The following PLEKHH1 variants were observed in gnomAD, a reference collection of about 807,000 sequenced individuals.
The protein encoded by PLEKHH1 is pleckstrin homology domain-containing family H member 1.
A neutral mutation model predicts 160.0 loss-of-function variants in PLEKHH1; 104 were observed. The observed-to-expected ratio is 0.65, with a 90% CI of 0.55 to 0.76. PLEKHH1 has a LOEUF of 0.76. Among genes scored for constraint, PLEKHH1 ranks in the 30% least tolerant of loss-of-function variants. The probability of loss-of-function intolerance (pLI) is 0.00; values close to 1 mark genes in which losing one functional copy is unlikely to be tolerated. For missense variants in PLEKHH1, 1,427 were observed against 1,724.1 expected, an observed-to-expected ratio of 0.83 and a Z score of 3.05; for synonymous variants, 619 against 678.4, an observed-to-expected ratio of 0.91 and a Z score of 1.36.
rs555399299 is a variant in PLEKHH1 at position 67,573,287 on chromosome 14, G to A, written c.1740G>A (p.Glu580=). ...DGLGLGGESL[E]KSGYLLKMGS... is the part of the protein sequence containing the mutation. ...CTTCCACCCCTCAGGAGTCACTGGA[G>A]AAGTCGGGCTACCTGCTGAAAATGG... Residue 580 remains glutamate (E), a synonymous_variant, in exon 12 of 29, where the codon GAG becomes GAA. Coordinates refer to ENST00000329153, the MANE Select transcript of PLEKHH1 (RefSeq NM_020715.3). The surrounding 1 kb of genome is among the most constrained non-coding windows in gnomAD (Gnocchi z 4.8). 2.5e-6 allele frequency: 4 copies of A among 1,611,192 alleles called. No individual in the cohort carries two copies. Among genetic ancestry groups the A allele is most frequent in the Admixed American group, 1.7e-5 (1 of 60,028 alleles).
Position 67,555,629 on chromosome 14 carries a change from C to T in PLEKHH1, c.127-196C>T, listed in dbSNP as rs186769708. On this transcript the variant is annotated intron_variant, in intron 2 of 28. Coordinates refer to ENST00000329153, the MANE Select transcript of PLEKHH1 (RefSeq NM_020715.3). ...AGGACAGCAGCCACGGGCTCTTCACCTGCCCCATGAACTCAGGATTAGGGA... is the reference window on the plus strand; with the variant it reads ...AGGACAGCAGCCACGGGCTCTTCACTTGCCCCATGAACTCAGGATTAGGGA... Among the ~76,000 whole-genome samples, 34 of 152,338 alleles carry T rather than the reference C, an allele frequency of 2.2e-4. No individual in the cohort carries two copies. In the East Asian group the frequency reaches 6.6e-3, roughly 29 times the overall value.
At chr14:67,537,448 T>G (rs2033784004) in intron 1 of PLEKHH1, among the ~76,000 whole-genome samples, 2 of 150,388 alleles carry the variant, frequency 1.3e-5, no homozygotes. Flanking sequence ...GTGGGTCACT[T>G]GAGCCCAGGA....
intron 24 of PLEKHH1, 151 bp from the exon 25 acceptor site, chr14:67,583,590 A>T: frequency 1.8e-6 from 1 of 557,256 alleles, no homozygotes; most frequent in Non-Finnish European, 3.1e-6. Flanking sequence ...ATAAAACTTG[A>T]GATGAAGCGT....
At chr14:67,566,015 A>C (rs903360130) in intron 7 of PLEKHH1, among the ~76,000 whole-genome samples, 1 of 152,188 alleles carries the variant, frequency 6.6e-6, no homozygotes, top group Non-Finnish European at 1.5e-5. Context: ...GCTGCTCGGG[A>C]GCCTGAGGCA....
chr14:67,569,251 C>A, intron 8 of PLEKHH1, 35 bp downstream of exon 8: 1 of 1,504,330 alleles, frequency 6.6e-7, no homozygotes, highest in East Asian at 2.3e-5. Context: ...GCACCAAACA[C>A]CCAAGGTGGG....
chr14:67,562,647 A>C lies in PLEKHH1; in HGVS notation c.1016A>C (p.His339Pro), dbSNP rs1188444405. Residue 339 changes from histidine to proline, a missense_variant, in exon 7 of 29, where the codon CAT becomes CCT. This residue lies in a region of PLEKHH1 where 831 missense variants were observed against 929.2 expected (regional missense o/e 0.89). Coordinates refer to ENST00000329153, the MANE Select transcript of PLEKHH1 (RefSeq NM_020715.3). ...KRHHSQPQVG[H>P]GHFGRVVNIE... ...CACCACAGCCAGCCCCAGGTGGGCC[A>C]TGGGCACTTTGGCCGTGTGGTGAAC... is the stretch of plus-strand genomic sequence containing the variant. The C allele has an allele frequency of 6.2e-7, 1 of 1,613,026 alleles. No homozygotes were observed. The highest frequency in any genetic ancestry group is 8.5e-7 in the Non-Finnish European group (1 of 1,179,550).
intron 1 of PLEKHH1, among the ~76,000 whole-genome samples, chr14:67,538,919 A>T (rs1253501686): frequency 1.3e-5 from 2 of 152,212 alleles, no homozygotes; most frequent in African/African-American, 4.8e-5. Flanking sequence ...TTTCCAAAGT[A>T]CTTGGAGATT....
In PLEKHH1 at chr14:67,572,250, C is replaced by T. The variant is rs1193090751; in HGVS notation, c.1701C>T (p.Tyr567=). Residue 567 remains tyrosine, a synonymous_variant, in exon 11 of 29, where the codon TAC becomes TAT. Coordinates refer to ENST00000329153, the MANE Select transcript of PLEKHH1 (RefSeq NM_020715.3). ...PEHKLQRTSS[Y]STDGLGLGGE... The stretch of plus-strand genomic sequence containing the variant: ...ACAAACTGCAGCGCACCTCATCCTA[C>T]TCCACCGACGGGCTGGGCCTGGGCG... The T allele has an allele frequency of 1.2e-6, 2 of 1,605,786 alleles. No homozygotes were observed. The highest frequency in any genetic ancestry group is 1.7e-6 in the Non-Finnish European group (2 of 1,177,272).
chr14:67,557,433 G>A lies in PLEKHH1; in HGVS notation c.339+15G>A, dbSNP rs1408078046. The stretch of plus-strand genomic sequence containing the variant: ...TGGAGAAGCAGGTAAGGGCTCATGC[G>A]CAAGGGAGCACCATGCCCTCTTCGA... On this transcript the variant is annotated intron_variant, in intron 4 of 28. Transcript: ENST00000329153. 5.6e-6 allele frequency: 9 copies of A among 1,609,894 alleles called. No homozygotes were observed. Among genetic ancestry groups the A allele is most frequent in the South Asian group, 1.1e-5 (1 of 90,874 alleles).
intron 7 of PLEKHH1, among the ~76,000 whole-genome samples, chr14:67,568,878 T>G (rs1201630218): frequency 6.6e-6 from 1 of 152,146 alleles, no homozygotes; most frequent in Non-Finnish European, 1.5e-5. Flanking sequence ...TGGGCACTGA[T>G]TATATTCCAG....
chr14:67,584,011 T>C lies in PLEKHH1; in HGVS notation c.3586T>C (p.Leu1196=), dbSNP rs556597738. Residue 1196 remains leucine (L), a synonymous_variant, in exon 26 of 29, where the codon TTG becomes CTG. Coordinates refer to ENST00000329153, the MANE Select transcript of PLEKHH1 (RefSeq NM_020715.3). ...AEQLRHLADM[L]TTKWATLQGC... The stretch of plus-strand genomic sequence containing the variant: ...CCACACCAGGCACCTGGCAGATATG[T>C]TGACCACAAAATGGGCAACATTGCA... 9.9e-6 allele frequency: 16 copies of C among 1,613,920 alleles called. No homozygotes were observed. The highest frequency in any genetic ancestry group is 1.3e-5 in the African/African-American group (1 of 74,926).
intron 2 of PLEKHH1, among the ~76,000 whole-genome samples, chr14:67,551,435 G>A (rs896229385): frequency 5.9e-5 from 9 of 152,072 alleles, no homozygotes; most frequent in African/African-American, 1.7e-4. Flanking sequence ...TCTTCACAAC[G>A]ATCCTAGGAG....
In PLEKHH1 at chr14:67,571,799, G is replaced by A. The variant is rs1347235773; in HGVS notation, c.1482G>A (p.Gly494=). 1.9e-6 allele frequency: 3 copies of A among 1,613,942 alleles called. No homozygotes were observed. The South Asian group carries it at 3.3e-5, about 18-fold the overall frequency. The change falls in exon 10 of 29, where the codon GGG becomes GGA. Residue 494 remains glycine (G), a synonymous_variant. Transcript: ENST00000329153. ...TGCCCTTTATGGACGAGTCCTCTGG[G>A]TCTGACGATGACTGCAGCTCTCAGG... ...SNMPFMDESS[G]SDDDCSSQAS...
At position 67,585,950 on chromosome 14, in the gene PLEKHH1, G is replaced by C. The variant is rs1308511965; in HGVS notation, c.3787-1G>C. On this transcript the variant is annotated splice_acceptor_variant, in intron 27 of 28. Coordinates refer to ENST00000329153, the MANE Select transcript of PLEKHH1 (RefSeq NM_020715.3). LOFTEE classifies it high-confidence loss of function. Reference sequence around the variant, plus strand: ...CACAACTGACTGGTTCCTTTCCACAGCAAGTGCACATCACTTACCCCTACT... The same window carrying C: ...CACAACTGACTGGTTCCTTTCCACACCAAGTGCACATCACTTACCCCTACT... 1.8e-5 allele frequency: 29 copies of C among 1,610,432 alleles called. No homozygotes were observed. Among genetic ancestry groups the C allele is most frequent in the Non-Finnish European group, 2.2e-5 (26 of 1,178,400 alleles).
intron 7 of PLEKHH1, among the ~76,000 whole-genome samples, chr14:67,563,284 G>A (rs1450096402): frequency 1.3e-5 from 2 of 152,230 alleles, no homozygotes; most frequent in Non-Finnish European, 2.9e-5. Flanking sequence ...CTGAACCTCT[G>A]TGCCTCAGCT....
intron 2 of PLEKHH1, among the ~76,000 whole-genome samples, chr14:67,545,716 G>A (rs1273121752): frequency 3.3e-5 from 5 of 152,172 alleles, no homozygotes; most frequent in African/African-American, 9.7e-5. Context: ...ATACTACATT[G>A]CAATTAAAAA....
In PLEKHH1 at chr14:67,578,249, G is replaced by A; in HGVS notation, c.2751+50G>A. ...CTGACAGAAGCCATTGGCAAGGGCT[G>A]CCAGGTGGGAAAGGTGGGAGGAGGT... On this transcript the variant is annotated intron_variant, in intron 19 of 28. Coordinates refer to ENST00000329153, the MANE Select transcript of PLEKHH1 (RefSeq NM_020715.3). The surrounding 1 kb of genome is among the most constrained non-coding windows in gnomAD (Gnocchi z 5.0). The A allele has an allele frequency of 6.5e-7, 1 of 1,541,488 alleles. No homozygotes were observed.
chr14:67,567,872 GT>G (rs2035183387), intron 7 of PLEKHH1, among the ~76,000 whole-genome samples: 2 of 152,202 alleles, frequency 1.3e-5, no homozygotes, highest in Non-Finnish European at 2.9e-5. Flanking sequence ...CGTCACCTTT[GT>G]TTTCCTTTAG....
At chr14:67,549,316 G>A (rs1287629180) in intron 2 of PLEKHH1, among the ~76,000 whole-genome samples, 1 of 151,578 alleles carries the variant, frequency 6.6e-6, no homozygotes, top group Non-Finnish European at 1.5e-5. Context: ...TGTCACCTAG[G>A]CTGGAGTGCA....
Sources: allele counts gnomAD v4.1 joint callset (sites outside exome capture counted in the v4.1 genomes callset), GRCh38; gene constraint gnomAD v4.1.1; regional missense constraint gnomAD v4.1.1; non-coding constraint Gnocchi (gnomAD v3.1); transcripts MANE v1.5; gene names NCBI Gene and HGNC (gene_info 2026-07-23, HGNC 2026-07-21).